GRID2: variants seen among roughly 807,000 people sequenced by gnomAD.
The protein encoded by GRID2 is glutamate receptor ionotropic, delta-2.
In GRID2, 33 loss-of-function variants were observed where a neutral mutation model predicts 114.8. The ratio of observed to expected loss-of-function variants is 0.29; its 90% CI spans 0.22 to 0.38. GRID2 has a LOEUF of 0.38. Ranked by LOEUF, GRID2 falls within the 10% of genes least tolerant of loss-of-function variation. The pLI is 1.00. For synonymous variants in GRID2, 505 were observed against 449.9 expected, an observed-to-expected ratio of 1.12 and a Z score of -1.55; for missense variants, 1,184 against 1,257.7, an observed-to-expected ratio of 0.94 and a Z score of 0.89.
At chr4:92,717,562 G>A (rs1159241459) in intron 2 of GRID2, among the ~76,000 whole-genome samples, 1 of 152,138 alleles carries the variant, frequency 6.6e-6, no homozygotes, top group Non-Finnish European at 1.5e-5. Context: ...GTTAATATAT[G>A]TTAAAGTAAA....
chr4:92,400,619 A>T (rs1730741934), intron 1 of GRID2, among the ~76,000 whole-genome samples: 1 of 151,984 alleles, frequency 6.6e-6, no homozygotes, highest in Non-Finnish European at 1.5e-5. Context: ...CTTACCTTAC[A>T]CCTGGGAGTG....
intron 2 of GRID2, among the ~76,000 whole-genome samples, chr4:92,646,581 A>G (rs1731639544): frequency 6.6e-6 from 1 of 152,230 alleles, no homozygotes. Context: ...TTAGATTTAT[A>G]ACCCATCCGG....
chr4:93,413,066 T>C (rs1384736042), intron 9 of GRID2, among the ~76,000 whole-genome samples: 1 of 152,206 alleles, frequency 6.6e-6, no homozygotes, highest in Non-Finnish European at 1.5e-5. Flanking sequence ...TCTGTGTGTA[T>C]GTGTCTTTAT....
intron 9 of GRID2, among the ~76,000 whole-genome samples, chr4:93,419,288 A>G (rs1768033672): frequency 6.6e-6 from 1 of 151,958 alleles, no homozygotes; most frequent in South Asian, 2.1e-4. Flanking sequence ...ACCTTGATGC[A>G]GTAGCTAGCT....
intron 2 of GRID2, among the ~76,000 whole-genome samples, chr4:93,026,854 A>G (rs1723928910): frequency 1.3e-5 from 2 of 152,042 alleles, no homozygotes; most frequent in Non-Finnish European, 2.9e-5. Context: ...CATACATTTT[A>G]ACCTGCTTAC....
chr4:93,016,711 C>A (rs1722778712), intron 2 of GRID2, among the ~76,000 whole-genome samples: 2 of 151,894 alleles, frequency 1.3e-5, no homozygotes, highest in Admixed American at 6.6e-5. Context: ...AGAAAACTAG[C>A]AAAAGATTAT....
chr4:93,314,425 A>G (rs951029465), intron 8 of GRID2, among the ~76,000 whole-genome samples: 2 of 151,830 alleles, frequency 1.3e-5, no homozygotes, highest in African/African-American at 4.8e-5. Context: ...TGAATTTCCT[A>G]CACATTGTAT....
At chr4:92,706,591 T>C (rs1734969125) in intron 2 of GRID2, among the ~76,000 whole-genome samples, 1 of 152,128 alleles carries the variant, frequency 6.6e-6, no homozygotes, top group Non-Finnish European at 1.5e-5. Context: ...ATTTTGGTTA[T>C]CACAATGTGG....
At chr4:93,331,599 C>A (rs534916328) in intron 8 of GRID2, among the ~76,000 whole-genome samples, 11 of 152,118 alleles carry the variant, frequency 7.2e-5, no homozygotes, top group Non-Finnish European at 1.3e-4. Flanking sequence ...CAGCACAGCC[C>A]TAGAGCCTAG....
At chr4:92,708,141 C>A (rs1348909903) in intron 2 of GRID2, among the ~76,000 whole-genome samples, 1 of 151,994 alleles carries the variant, frequency 6.6e-6, no homozygotes, top group African/African-American at 2.4e-5. Context: ...TCCACATAGT[C>A]CAGGGAAGCA....
intron 8 of GRID2, among the ~76,000 whole-genome samples, chr4:93,376,442 A>C (rs947061543): frequency 1.3e-5 from 2 of 151,968 alleles, no homozygotes; most frequent in Non-Finnish European, 2.9e-5. Context: ...GGGAAACTAC[A>C]GAAAAAAAAA....
At chr4:92,947,629 G>A (rs1423286512) in intron 2 of GRID2, among the ~76,000 whole-genome samples, 1 of 151,656 alleles carries the variant, frequency 6.6e-6, no homozygotes, top group Non-Finnish European at 1.5e-5. Flanking sequence ...CTTCCTGAAA[G>A]TTTGAATTAA....
At chr4:92,553,532 A>G (rs1726700307) in intron 1 of GRID2, among the ~76,000 whole-genome samples, 1 of 152,174 alleles carries the variant, frequency 6.6e-6, no homozygotes, top group Non-Finnish European at 1.5e-5. Context: ...TATAATGTAT[A>G]TATTTTACAT....
intron 2 of GRID2, among the ~76,000 whole-genome samples, chr4:92,659,877 TTTAG>T (rs1732438093): frequency 1.3e-5 from 2 of 151,464 alleles, no homozygotes; most frequent in South Asian, 2.1e-4. Context: ...CTAGTTTTTC[TTTAG>T]TTAGTACATT....
intron 8 of GRID2, among the ~76,000 whole-genome samples, chr4:93,260,627 G>C (rs902962923): frequency 4.0e-5 from 6 of 151,674 alleles, no homozygotes; most frequent in African/African-American, 1.5e-4. Flanking sequence ...CAAAATATAA[G>C]TCATTGCTCT....
chr4:93,608,865 T>A (rs2149658984), intron 13 of GRID2, among the ~76,000 whole-genome samples: 1 of 133,162 alleles, frequency 7.5e-6, no homozygotes, highest in African/African-American at 2.8e-5. Context: ...TTTCTAGTTC[T>A]AGATCCCTGA....
At chr4:92,536,825 A>G (rs1456854528) in intron 1 of GRID2, among the ~76,000 whole-genome samples, 4 of 152,144 alleles carry the variant, frequency 2.6e-5, no homozygotes, top group Non-Finnish European at 5.9e-5. Context: ...AGCAGCTGTT[A>G]AGATGCGGTT....
At chr4:92,469,701 T>A (rs904502407) in intron 1 of GRID2, among the ~76,000 whole-genome samples, 4 of 151,230 alleles carry the variant, frequency 2.6e-5, no homozygotes, top group African/African-American at 9.7e-5. Flanking sequence ...AAAAGACAAA[T>A]GAAACAAACA....
chr4:92,924,684 G>T (rs1009653099), intron 2 of GRID2, among the ~76,000 whole-genome samples: 3 of 152,098 alleles, frequency 2.0e-5, no homozygotes, highest in Non-Finnish European at 4.4e-5. Context: ...CAAAAACACA[G>T]CATGACAACA....
Sources: gnomAD v4.1 joint callset for allele counts (sites outside exome capture counted in the v4.1 genomes callset) on GRCh38, gnomAD v4.1.1 for gene constraint, MANE v1.5 for transcripts, NCBI Gene and HGNC (gene_info 2026-07-23, HGNC 2026-07-21) for gene names.